The following MPRIP variants were observed in gnomAD, a reference collection of about 807,000 sequenced individuals.
MPRIP encodes myosin phosphatase Rho-interacting protein.
In MPRIP, 59 loss-of-function variants were observed where a neutral mutation model predicts 234.9. That is an observed-to-expected ratio of 0.25 (90% CI 0.20 to 0.31). MPRIP has a LOEUF of 0.31. Ranked by LOEUF, MPRIP falls within the 10% of genes least tolerant of loss-of-function variation. The pLI is 1.00. For missense variants in MPRIP, 2,436 were observed against 3,071.0 expected (o/e 0.79, Z 4.89); for synonymous variants, 1,144 against 1,263.9 (o/e 0.91, Z 2.01).
intron 3 of MPRIP, among the ~76,000 whole-genome samples, chr17:17,093,407 A>G (rs2089765229): frequency 6.6e-6 from 1 of 152,212 alleles, no homozygotes; most frequent in African/African-American, 2.4e-5. Context: ...CCTTGGGAGC[A>G]GTCTCTCAGA....
intron 15 of MPRIP, among the ~76,000 whole-genome samples, chr17:17,162,090 T>C (rs982228424): frequency 6.6e-6 from 1 of 152,216 alleles, no homozygotes; most frequent in South Asian, 2.1e-4. Context: ...AAGATTGATA[T>C]ATAAATACTG....
chr17:17,048,466 A>G lies in MPRIP; in HGVS notation c.123+5495A>G, dbSNP rs114473204. Among the ~76,000 whole-genome samples, 433 of 152,070 alleles carry G rather than the reference A, an allele frequency of 2.8e-3. 2 individuals carry two copies. Among genetic ancestry groups the G allele is most frequent in the African/African-American group, 0.01 (417 of 41,434 alleles). On this transcript the variant is annotated intron_variant, in intron 1 of 23. Coordinates refer to ENST00000651222, the MANE Select transcript of MPRIP (RefSeq NM_001364716.4). ...TGTGTATCTCAGAAACAACGGGGAG[A>G]TTTCGCATCCCCCCCTTGTAGAAGA...
At chr17:17,106,594 T>C (rs2090067599) in intron 3 of MPRIP, among the ~76,000 whole-genome samples, 2 of 152,186 alleles carry the variant, frequency 1.3e-5, no homozygotes. Context: ...CCTCAGTGGC[T>C]TTGACTGGTG....
chr17:17,112,966 C>T (rs1473139203), intron 3 of MPRIP, among the ~76,000 whole-genome samples: 2 of 152,224 alleles, frequency 1.3e-5, no homozygotes, highest in Non-Finnish European at 2.9e-5. Flanking sequence ...GGGCTGTTTC[C>T]CAGCGGTCCT....
At chr17:17,095,740 C>G (rs2089823366) in intron 3 of MPRIP, among the ~76,000 whole-genome samples, 1 of 152,128 alleles carries the variant, frequency 6.6e-6, no homozygotes, top group Non-Finnish European at 1.5e-5. Context: ...ATCTGCCTGC[C>G]CTTGTACGGG....
chr17:17,145,829 A>G (rs1294854712), intron 9 of MPRIP, among the ~76,000 whole-genome samples: 1 of 152,168 alleles, frequency 6.6e-6, no homozygotes, highest in Non-Finnish European at 1.5e-5. Flanking sequence ...CAAGCCCAGC[A>G]TCTCCTTCCT....
chr17:17,130,199 C>G (rs2090568483), intron 4 of MPRIP, among the ~76,000 whole-genome samples: 1 of 152,098 alleles, frequency 6.6e-6, no homozygotes, highest in Non-Finnish European at 1.5e-5. Context: ...TGAGGGTGGC[C>G]CCTCAGCTCT....
intron 12 of MPRIP, among the ~76,000 whole-genome samples, chr17:17,152,413 A>G (rs1187728632): frequency 6.6e-6 from 1 of 152,164 alleles, no homozygotes; most frequent in Non-Finnish European, 1.5e-5. Context: ...ACTCTCACCC[A>G]CTGATCAACC....
intron 1 of MPRIP, among the ~76,000 whole-genome samples, chr17:17,047,282 A>G (rs1047224715): frequency 6.6e-6 from 1 of 152,220 alleles, no homozygotes; most frequent in Non-Finnish European, 1.5e-5. Flanking sequence ...ACCCTGAACT[A>G]GATATTAATC....
At chr17:17,180,490 C>A in intron 23 of MPRIP, 1 of 920,808 alleles carries the variant, frequency 1.1e-6, no homozygotes, top group Non-Finnish European at 1.8e-6. Context: ...GGAAGCAGTA[C>A]ATCTTTAGTG....
chr17:17,123,573 A>C (rs958762045), intron 3 of MPRIP, among the ~76,000 whole-genome samples: 1 of 152,036 alleles, frequency 6.6e-6, no homozygotes, highest in Non-Finnish European at 1.5e-5. Context: ...GTGTGGTAGC[A>C]TGCATCTGTA....
At chr17:17,102,510 G>T (rs542095395) in intron 3 of MPRIP, among the ~76,000 whole-genome samples, 3 of 152,360 alleles carry the variant, frequency 2.0e-5, no homozygotes, top group South Asian at 2.1e-4. Flanking sequence ...TGTGGAGTGT[G>T]CGAGCAGGTC....
Position 17,167,984 on chromosome 17 carries a change from G to A in MPRIP, c.6324+69G>A. 8.5e-7 allele frequency: 1 copy of A among 1,179,810 alleles called. No homozygotes were observed. The allele number at this position is 1,179,810 out of a possible 1,614,324, so 73.1% of individuals were successfully genotyped here. A position where few individuals can be genotyped will look rare whatever the true frequency, so the allele number is the denominator to read the frequency against. On this transcript the variant is annotated intron_variant, in intron 16 of 23. Transcript: ENST00000651222. The surrounding 1 kb of genome is among the most constrained non-coding windows in gnomAD (Gnocchi z 5.9). ...AATGGGGTGGGTGTGGGGACGTCTG[G>A]CTCAGCTACCGTGCAGGCAGAATTG...
At chr17:17,136,833 T>A (rs2090711469) in intron 6 of MPRIP, among the ~76,000 whole-genome samples, 1 of 152,068 alleles carries the variant, frequency 6.6e-6, no homozygotes, top group Admixed American at 6.5e-5. Context: ...GTCTCATCCC[T>A]CTCACCATCC....
At chr17:17,064,139 T>TAGAC (rs2088948592) in intron 1 of MPRIP, among the ~76,000 whole-genome samples, 12 of 151,840 alleles carry the variant, frequency 7.9e-5, no homozygotes, top group Admixed American at 7.9e-4. Flanking sequence ...CCATACCCTG[T>TAGAC]AGACCCCTGA....
intron 3 of MPRIP, among the ~76,000 whole-genome samples, chr17:17,081,524 G>C (rs1044985098): frequency 2.0e-5 from 3 of 152,252 alleles, no homozygotes; most frequent in African/African-American, 7.2e-5. Context: ...AACCTCCCAA[G>C]AGCTCCAGAT....
At chr17:17,123,859 G>A (rs560469688) in intron 3 of MPRIP, among the ~76,000 whole-genome samples, 7 of 151,908 alleles carry the variant, frequency 4.6e-5, no homozygotes, top group Non-Finnish European at 1.0e-4. Flanking sequence ...CTTTGATAAC[G>A]TATTTACCCC....
intron 22 of MPRIP, among the ~76,000 whole-genome samples, chr17:17,178,111 CAG>C (rs754296690): frequency 1.6e-4 from 24 of 151,900 alleles, no homozygotes; most frequent in Non-Finnish European, 3.1e-4. Flanking sequence ...TTAGTAGAGA[CAG>C]AGTTTCACCA....
chr17:17,159,802 G>A (rs531725307), intron 14 of MPRIP, among the ~76,000 whole-genome samples: 42 of 152,178 alleles, frequency 2.8e-4, no homozygotes, highest in Non-Finnish European at 3.8e-4. Context: ...TGTTTCAAAT[G>A]TGTTCTCTTA....
Sources: allele counts gnomAD v4.1 joint callset (sites outside exome capture counted in the v4.1 genomes callset), GRCh38; gene constraint gnomAD v4.1.1; non-coding constraint Gnocchi (gnomAD v3.1); transcripts MANE v1.5; gene names NCBI Gene and HGNC (gene_info 2026-07-23, HGNC 2026-07-21).